CDH2: variants seen among roughly 807,000 people sequenced by gnomAD.
CDH2 encodes the protein cadherin 2.
In CDH2, 17 loss-of-function variants were observed where a neutral mutation model predicts 92.0. The ratio of observed to expected loss-of-function variants is 0.18; its 90% CI spans 0.13 to 0.28. The LOEUF (loss-of-function observed/expected upper bound fraction) is 0.28. Ranked by LOEUF, CDH2 falls within the 10% of genes least tolerant of loss-of-function variation. The probability of loss-of-function intolerance (pLI) is 1.00; values close to 1 mark genes in which losing one functional copy is unlikely to be tolerated. For missense variants in CDH2, 862 were observed against 1,133.1 expected, an observed-to-expected ratio of 0.76 and a Z score of 3.44; for synonymous variants, 419 against 415.9, an observed-to-expected ratio of 1.01 and a Z score of -0.09.
chr18:28,144,282 G>A (rs992347306), intron 2 of CDH2, among the ~76,000 whole-genome samples: 3 of 151,706 alleles, frequency 2.0e-5, no homozygotes, highest in Non-Finnish European at 2.9e-5. Context: ...ATAGAAAAAC[G>A]CAAAGTAAAA....
intron 2 of CDH2, among the ~76,000 whole-genome samples, chr18:28,077,781 C>T (rs1319707005): frequency 1.3e-5 from 2 of 151,104 alleles, no homozygotes; most frequent in Admixed American, 6.6e-5. Context: ...TTCCCAGCTA[C>T]TCAGGAGGCT....
At chr18:28,078,369 T>A (rs566460012) in intron 2 of CDH2, among the ~76,000 whole-genome samples, 5 of 152,198 alleles carry the variant, frequency 3.3e-5, no homozygotes, top group South Asian at 2.1e-4. Context: ...AACCTCAATG[T>A]CTTGATAAAA....
At chr18:28,005,778 TGC>T in intron 6 of CDH2, 69 bp downstream of exon 6, 1 of 993,272 alleles carries the variant, frequency 1.0e-6, no homozygotes. Flanking sequence ...CTCCATTTCT[TGC>T]TCATATAACA....
chr18:27,983,036 G>A lies in CDH2; in HGVS notation c.2257C>T (p.Arg753Cys), dbSNP rs771312999. Reference sequence around the variant, plus strand: ...TCAATTAAAAGTTGTTTGGCCTGGCGTTCTTTATCCCGGCGTTTCATCCAT... The same window carrying A: ...TCAATTAAAAGTTGTTTGGCCTGGCATTCTTTATCCCGGCGTTTCATCCAT... ...VVWMKRRDKERQAKQLLIDPE... is the reference protein window; with the variant it reads ...VVWMKRRDKECQAKQLLIDPE... The change falls in exon 14 of 16, where the codon CGC becomes TGC. Residue 753 changes from arginine (R) to cysteine (C), a missense_variant. Physicochemically the swap from Arg to Cys is radical, Grantham distance 180 (BLOSUM62 -3). Around this residue, in one of 5 missense-constraint regions of CDH2, gnomAD observed 564 missense variants for 722.2 expected, o/e 0.78. Transcript: ENST00000269141. The A allele has an allele frequency of 3.7e-6, 6 of 1,612,290 alleles. No individual in the cohort carries two copies. Among genetic ancestry groups the A allele is most frequent in the South Asian group, 2.2e-5 (2 of 90,924 alleles).
chr18:28,139,339 G>GT (rs2015915966), intron 2 of CDH2, among the ~76,000 whole-genome samples: 1 of 151,722 alleles, frequency 6.6e-6, no homozygotes, highest in South Asian at 2.1e-4. Flanking sequence ...CAAACATATT[G>GT]TAACTCCCAT....
chr18:28,022,019 G>A (rs1200618976), intron 2 of CDH2, among the ~76,000 whole-genome samples: 1 of 151,612 alleles, frequency 6.6e-6, no homozygotes, highest in Admixed American at 6.6e-5. Flanking sequence ...CATTAGGAGG[G>A]AGGAAGGTAG....
At chr18:28,131,007 T>C (rs1172595747) in intron 2 of CDH2, among the ~76,000 whole-genome samples, 3 of 152,138 alleles carry the variant, frequency 2.0e-5, no homozygotes, top group Non-Finnish European at 2.9e-5. Context: ...AAACAGCTCC[T>C]TACACCATTT....
At chr18:28,157,578 CACT>C (rs2016239701) in intron 1 of CDH2, among the ~76,000 whole-genome samples, 1 of 152,226 alleles carries the variant, frequency 6.6e-6, no homozygotes, top group East Asian at 1.9e-4. Context: ...TTAACCCAAC[CACT>C]ACAACTTCCA....
chr18:27,952,368 T>G lies in CDH2; in HGVS notation c.2515-9A>C. The G allele has an allele frequency of 3.1e-6, 5 of 1,610,028 alleles. No individual in the cohort carries two copies. The highest frequency in any genetic ancestry group is 4.2e-6 in the Non-Finnish European group (5 of 1,176,582). ...TCAGCCGCTTTAAGGCCCTGCAATT[T>G]GGAAACACAAAGAATGAAAGAATTA... On this transcript the variant is annotated splice_polypyrimidine_tract_variant and intron_variant, in intron 15 of 15. Transcript: ENST00000269141.
chr18:27,948,907 T>C (rs373655950), downstream of CDH2, among the ~76,000 whole-genome samples: 32 of 152,070 alleles, frequency 2.1e-4, no homozygotes, highest in Middle Eastern at 6.8e-3. Context: ...TCATTGAAAA[T>C]AACCATTTCA....
intron 13 of CDH2, among the ~76,000 whole-genome samples, chr18:27,983,758 T>C (rs1329976032): frequency 6.6e-6 from 1 of 152,244 alleles, no homozygotes; most frequent in Non-Finnish European, 1.5e-5. Context: ...TCAGCACCAA[T>C]TCAGTTTCCT....
chr18:28,086,887 G>A (rs1390083588), intron 2 of CDH2, among the ~76,000 whole-genome samples: 1 of 152,116 alleles, frequency 6.6e-6, no homozygotes, highest in Admixed American at 6.5e-5. Context: ...AATAACCAGA[G>A]AGATTGGGCT....
chr18:28,030,269 G>GA (rs144179522), intron 2 of CDH2, among the ~76,000 whole-genome samples: 6,372 of 151,664 alleles, frequency 0.042, 249 homozygotes, highest in African/African-American at 0.1. Context: ...GACAATGACA[G>GA]AAAAAAACAC....
intron 2 of CDH2, among the ~76,000 whole-genome samples, chr18:28,063,797 G>A (rs1299780951): frequency 6.6e-6 from 1 of 152,178 alleles, no homozygotes; most frequent in Non-Finnish European, 1.5e-5. Context: ...GGGATTTGTA[G>A]ACAAAAGTAT....
At chr18:28,089,186 C>A (rs2014992481) in intron 2 of CDH2, among the ~76,000 whole-genome samples, 1 of 152,262 alleles carries the variant, frequency 6.6e-6, no homozygotes, top group South Asian at 2.1e-4. Flanking sequence ...ACAGAAACTT[C>A]AGAAAAACCT....
At chr18:28,166,848 A>T (rs952865540) in intron 1 of CDH2, among the ~76,000 whole-genome samples, 1 of 151,806 alleles carries the variant, frequency 6.6e-6, no homozygotes, top group African/African-American at 2.4e-5. Flanking sequence ...AGAGCTACTA[A>T]ACCATTATAA....
At chr18:28,153,007 G>A (rs950137049) in intron 1 of CDH2, among the ~76,000 whole-genome samples, 2 of 152,024 alleles carry the variant, frequency 1.3e-5, no homozygotes, top group East Asian at 3.9e-4. Flanking sequence ...GCCACAAGTA[G>A]GAAAAATAAT....
intron 9 of CDH2, among the ~76,000 whole-genome samples, chr18:27,992,276 A>G (rs1191201120): frequency 6.6e-6 from 1 of 152,158 alleles, no homozygotes; most frequent in Non-Finnish European, 1.5e-5. Flanking sequence ...TATATCATGA[A>G]TATATCAACT....
chr18:28,041,068 C>A (rs191325908), intron 2 of CDH2, among the ~76,000 whole-genome samples: 2 of 152,182 alleles, frequency 1.3e-5, no homozygotes, highest in African/African-American at 4.8e-5. Flanking sequence ...AAAAATCACA[C>A]TGGCTTTCAG....
Sources: allele counts gnomAD v4.1 joint callset (sites outside exome capture counted in the v4.1 genomes callset), GRCh38; gene constraint gnomAD v4.1.1; regional missense constraint gnomAD v4.1.1; transcripts MANE v1.5; gene names NCBI Gene and HGNC (gene_info 2026-07-23, HGNC 2026-07-21).